PECR: variants seen among roughly 807,000 people sequenced by gnomAD.
The protein encoded by PECR is peroxisomal trans-2-enoyl-CoA reductase, also known as 2,4-dienoyl-CoA reductase-related protein.
PECR carries 30 observed loss-of-function variants against 35.3 expected under a neutral mutation model. That is an observed-to-expected ratio of 0.85 (90% CI 0.64 to 1.15). PECR has a LOEUF of 1.15. Ranked by LOEUF, PECR falls within the 50% of genes most tolerant of loss-of-function variation. The probability of loss-of-function intolerance (pLI) is 0.00; values close to 1 mark genes in which losing one functional copy is unlikely to be tolerated. For synonymous variants in PECR, 148 were observed against 138.9 expected, an observed-to-expected ratio of 1.07 and a Z score of -0.46; for missense variants, 392 against 370.8, an observed-to-expected ratio of 1.06 and a Z score of -0.47.
At chr2:216,077,281 C>T (rs986827197) in intron 1 of PECR, among the ~76,000 whole-genome samples, 32 of 151,730 alleles carry the variant, frequency 2.1e-4, no homozygotes, top group African/African-American at 4.1e-4. Context: ...CCAAGGCAGG[C>T]GGAGCACAAG....
At chr2:216,058,749 C>T in intron 4 of PECR, 146 bp downstream of exon 4, 1 of 603,862 alleles carries the variant, frequency 1.7e-6, no homozygotes, top group Non-Finnish European at 3.0e-6. Context: ...ATTTTAAGTT[C>T]AAATAAAATA....
intron 1 of PECR, among the ~76,000 whole-genome samples, chr2:216,068,053 C>G (rs1695502793): frequency 6.6e-6 from 1 of 151,406 alleles, no homozygotes; most frequent in Admixed American, 6.6e-5. Flanking sequence ...ATGGTGAAAC[C>G]CTGTCTCTAC....
chr2:216,071,599 G>A (rs1046399120), intron 1 of PECR, among the ~76,000 whole-genome samples: 4 of 152,080 alleles, frequency 2.6e-5, no homozygotes, highest in African/African-American at 9.7e-5. Context: ...AACTTACAGG[G>A]AACAAGCAAT....
chr2:216,031,433 G>GAAAA (rs777550968), intron 7 of PECR, among the ~76,000 whole-genome samples: 1 of 112,682 alleles, frequency 8.9e-6, no homozygotes, highest in African/African-American at 3.3e-5. Flanking sequence ...AGAAAGAAAA[G>GAAAA]AAAGAAAGAA....
chr2:216,075,862 C>T (rs550053131), intron 1 of PECR, among the ~76,000 whole-genome samples: 22 of 152,284 alleles, frequency 1.4e-4, no homozygotes, highest in Non-Finnish European at 1.8e-4. Flanking sequence ...TAATTTCCAC[C>T]GGCATTTCCT....
intron 1 of PECR, among the ~76,000 whole-genome samples, chr2:216,072,612 G>C (rs1045266899): frequency 2.2e-4 from 34 of 152,294 alleles, no homozygotes; most frequent in African/African-American, 7.5e-4. Context: ...TTATAAGTGA[G>C]AACATGCACC....
intron 7 of PECR, among the ~76,000 whole-genome samples, chr2:216,029,261 C>CCT (rs1317761084): frequency 2.6e-5 from 4 of 152,130 alleles, no homozygotes; most frequent in Non-Finnish European, 5.9e-5. Flanking sequence ...AGGCAGATCA[C>CCT]GAGGTCAAGA....
Position 216,038,824 on chromosome 2 carries a change from C to T in PECR, c.*451G>A. The T allele has an allele frequency of 5.7e-6, 1 of 174,774 alleles. No homozygotes were observed. The highest frequency in any genetic ancestry group is 5.7e-5 in the Admixed American group (1 of 17,602). The allele number at this position is 174,774 out of a possible 1,614,324, so 10.8% of individuals were successfully genotyped here. On this transcript the variant is annotated 3_prime_UTR_variant, in exon 8 of 8. Coordinates refer to ENST00000265322, the MANE Select transcript of PECR (RefSeq NM_018441.6). ...TTTTTCAGTAGAGACAGGGTTTTAC[C>T]ATGTTGGCCAGCCTGGTCTTGAACT...
At chr2:216,074,222 A>T (rs1296150475) in intron 1 of PECR, among the ~76,000 whole-genome samples, 1 of 152,124 alleles carries the variant, frequency 6.6e-6, no homozygotes, top group Non-Finnish European at 1.5e-5. Context: ...AGGCCGGTGG[A>T]TCGCTTGTAT....
At chr2:216,081,558 TCTCCAGGTTAC>T in intron 1 of PECR, 49 bp downstream of exon 1, 1 of 1,607,872 alleles carries the variant, frequency 6.2e-7, no homozygotes, top group Non-Finnish European at 8.5e-7. Flanking sequence ...CTGGCTCCCG[TCTCCAGGTTAC>T]CCCAGGTCAC....
intron 4 of PECR, among the ~76,000 whole-genome samples, chr2:216,055,437 CA>C (rs11288394): frequency 0.73 from 100,415 of 137,518 alleles, 35,280 homozygotes; most frequent in African/African-American, 0.76. Context: ...AATTCCATCT[CA>C]AAAAAAAAAA....
At chr2:216,034,942 A>G (rs1694769518), downstream of PECR, among the ~76,000 whole-genome samples, 1 of 152,154 alleles carries the variant, frequency 6.6e-6, no homozygotes. Context: ...GCCCATTAGC[A>G]TGGACTCCCT....
chr2:216,048,843 C>CAAAA (rs59623283), intron 6 of PECR, among the ~76,000 whole-genome samples: 49 of 73,984 alleles, frequency 6.6e-4, no homozygotes, highest in Middle Eastern at 6.5e-3. Context: ...CTGTCTCAAG[C>CAAAA]AAAAAAAAAA....
At chr2:216,047,929 GT>G (rs902955095) in intron 6 of PECR, among the ~76,000 whole-genome samples, 2 of 147,818 alleles carry the variant, frequency 1.4e-5, no homozygotes, top group Non-Finnish European at 3.0e-5. Flanking sequence ...GTTTTGTTTT[GT>G]TTTTTTCATT....
intron 1 of PECR, among the ~76,000 whole-genome samples, chr2:216,078,569 C>T (rs1270966688): frequency 2.1e-5 from 3 of 139,610 alleles, no homozygotes; most frequent in African/African-American, 8.1e-5. Flanking sequence ...GCCTGGGCGA[C>T]AGAGCGAAAC....
At position 216,066,517 on chromosome 2, in the gene PECR, C is replaced by T; in HGVS notation, c.126G>A (p.Gly42=). 1 of 1,613,930 alleles carries T rather than the reference C, an allele frequency of 6.2e-7. No homozygotes were observed. Among genetic ancestry groups the T allele is most frequent in the Non-Finnish European group, 8.5e-7 (1 of 1,179,870 alleles). Residue 42 remains glycine, a splice_region_variant and synonymous_variant, in exon 2 of 8, where the codon GGG becomes GGA. Coordinates refer to ENST00000265322, the MANE Select transcript of PECR (RefSeq NM_018441.6). ...TACGGGATGCAATGACCACATTACTCCCTGAGGAGAAACAGCCAGAGAACA... is the reference window on the plus strand; with the variant it reads ...TACGGGATGCAATGACCACATTACTTCCTGAGGAGAAACAGCCAGAGAACA... ...KAIVKELLEL[G]SNVVIASRKL... is the part of the protein sequence containing the mutation.
intron 1 of PECR, among the ~76,000 whole-genome samples, chr2:216,074,118 A>G (rs969801780): frequency 1.3e-5 from 2 of 152,312 alleles, no homozygotes; most frequent in South Asian, 2.1e-4. Context: ...TAGTTCCCAG[A>G]GTAGGGCATA....
intron 3 of PECR, among the ~76,000 whole-genome samples, chr2:216,059,965 C>T (rs1274504883): frequency 6.6e-6 from 1 of 152,188 alleles, no homozygotes; most frequent in Non-Finnish European, 1.5e-5. Flanking sequence ...TCTGAATCTA[C>T]AGATCAATTT....
At chr2:216,071,689 C>CAA (rs887657405) in intron 1 of PECR, among the ~76,000 whole-genome samples, 1 of 152,176 alleles carries the variant, frequency 6.6e-6, no homozygotes, top group African/African-American at 2.4e-5. Flanking sequence ...TCTTCACAAT[C>CAA]AAAATCAACA....
Sources: allele counts gnomAD v4.1 joint callset (sites outside exome capture counted in the v4.1 genomes callset), GRCh38; gene constraint gnomAD v4.1.1; transcripts MANE v1.5; gene names NCBI Gene and HGNC (gene_info 2026-07-23, HGNC 2026-07-21).